The following RSU1 variants were observed in gnomAD, a reference collection of about 807,000 sequenced individuals.
The protein encoded by RSU1 is rsu-1.
In RSU1, 26 loss-of-function variants were observed where a neutral mutation model predicts 31.1. The observed-to-expected ratio is 0.84, with a 90% CI of 0.61 to 1.16. RSU1 has a LOEUF of 1.16. RSU1 is among the 50% of genes most tolerant of loss of function. The pLI, the probability that RSU1 is intolerant of heterozygous loss-of-function variation, is 0.00. For missense variants in RSU1, 320 were observed against 339.1 expected (o/e 0.94, Z 0.44); for synonymous variants, 164 against 136.3 (o/e 1.20, Z -1.41).
chr10:16,668,487 C>T (rs1835041109), intron 8 of RSU1, among the ~76,000 whole-genome samples: 1 of 152,200 alleles, frequency 6.6e-6, no homozygotes, highest in Admixed American at 6.5e-5. Context: ...AACTCAATTT[C>T]ATCATCTAAA....
intron 2 of RSU1, among the ~76,000 whole-genome samples, chr10:16,807,621 T>C (rs1838301116): frequency 6.6e-6 from 1 of 152,246 alleles, no homozygotes. Context: ...AAGTTGCTTC[T>C]TATGTTTTCT....
chr10:16,609,834 T>C (rs1588672726), intron 8 of RSU1, among the ~76,000 whole-genome samples: 1 of 152,252 alleles, frequency 6.6e-6, no homozygotes, highest in South Asian at 2.1e-4. Context: ...TCTCTTCTCA[T>C]AAGCTGTTTC....
chr10:16,645,966 G>A lies in RSU1; in HGVS notation c.731+49057C>T, dbSNP rs374856182. Among the ~76,000 whole-genome samples, 107 of 28,878 alleles carry A rather than the reference G, an allele frequency of 3.7e-3. 1 individual carries two copies. The highest frequency in any genetic ancestry group is 0.014 in the South Asian group (8 of 586). 18.9% of individuals were successfully genotyped at this position (28,878 alleles called of 152,430 possible). ...TATATATGTGTATATACATATATGT[G>A]TATATATATGTGTATATACATATAT... On this transcript the variant is annotated intron_variant, in intron 8 of 8. Coordinates refer to ENST00000345264, the MANE Select transcript of RSU1 (RefSeq NM_012425.4).
intron 2 of RSU1, among the ~76,000 whole-genome samples, chr10:16,808,827 G>A (rs955938168): frequency 1.3e-5 from 2 of 152,170 alleles, no homozygotes; most frequent in East Asian, 1.9e-4. Flanking sequence ...TCCTTAAGGT[G>A]GACCCTATCC....
intron 8 of RSU1, among the ~76,000 whole-genome samples, chr10:16,594,402 G>C (rs1211547597): frequency 6.6e-6 from 1 of 151,044 alleles, no homozygotes; most frequent in East Asian, 1.9e-4. Flanking sequence ...GCATATACTG[G>C]CGTCCGGCAT....
intron 7 of RSU1, among the ~76,000 whole-genome samples, chr10:16,706,809 G>A (rs757252086): frequency 6.6e-6 from 1 of 152,040 alleles, no homozygotes; most frequent in African/African-American, 2.4e-5. Context: ...CTGTGTAACA[G>A]AACATCAAAA....
chr10:16,675,165 C>A (rs1835203779), intron 8 of RSU1, among the ~76,000 whole-genome samples: 2 of 147,128 alleles, frequency 1.4e-5, no homozygotes, highest in Admixed American at 1.4e-4. Flanking sequence ...TGCACCCCTG[C>A]ACTCCAGCCT....
intron 8 of RSU1, among the ~76,000 whole-genome samples, chr10:16,691,098 C>T (rs377489987): frequency 6.6e-6 from 1 of 151,236 alleles, no homozygotes; most frequent in Non-Finnish European, 1.5e-5. Flanking sequence ...TTTAAAAAAA[C>T]TATGAGTATC....
At chr10:16,666,124 T>C (rs763071498) in intron 8 of RSU1, among the ~76,000 whole-genome samples, 1 of 152,176 alleles carries the variant, frequency 6.6e-6, no homozygotes, top group Non-Finnish European at 1.5e-5. Context: ...TCTGTGACTA[T>C]TTTACAGGTT....
chr10:16,711,216 C>T (rs955963172), intron 7 of RSU1, among the ~76,000 whole-genome samples: 24 of 152,204 alleles, frequency 1.6e-4, no homozygotes, highest in Non-Finnish European at 2.9e-4. Flanking sequence ...TCATAATATT[C>T]TCTATAATTT....
intron 8 of RSU1, among the ~76,000 whole-genome samples, chr10:16,614,542 A>G (rs1833943964): frequency 6.6e-6 from 1 of 152,260 alleles, no homozygotes; most frequent in Non-Finnish European, 1.5e-5. Context: ...CAAATGCTCA[A>G]AAGGATAGAT....
At chr10:16,678,199 T>G (rs1405864173) in intron 8 of RSU1, among the ~76,000 whole-genome samples, 4 of 152,240 alleles carry the variant, frequency 2.6e-5, no homozygotes, top group African/African-American at 9.6e-5. Flanking sequence ...AAATCCATTT[T>G]CTTGCTTTTT....
At chr10:16,596,909 GA>G (rs1186179217) in intron 8 of RSU1, among the ~76,000 whole-genome samples, 1 of 152,110 alleles carries the variant, frequency 6.6e-6, no homozygotes, top group Non-Finnish European at 1.5e-5. Context: ...TTTTAGTAGA[GA>G]GGGGGTTTCG....
intron 8 of RSU1, among the ~76,000 whole-genome samples, chr10:16,608,271 C>T (rs1480242032): frequency 6.6e-6 from 1 of 152,156 alleles, no homozygotes; most frequent in East Asian, 1.9e-4. Flanking sequence ...ACTTTCGGAG[C>T]CTGAGGCAGG....
intron 7 of RSU1, among the ~76,000 whole-genome samples, chr10:16,734,331 A>T (rs7073992): frequency 7.2e-5 from 11 of 152,118 alleles, no homozygotes; most frequent in Admixed American, 5.2e-4. Flanking sequence ...GGCATTCATG[A>T]ATCCTGTGCT....
intron 8 of RSU1, among the ~76,000 whole-genome samples, chr10:16,612,152 G>C (rs1488111208): frequency 6.6e-6 from 1 of 152,188 alleles, no homozygotes; most frequent in African/African-American, 2.4e-5. Context: ...ATTCAAATGT[G>C]GTTGAAGCCA....
intron 4 of RSU1, 126 bp from the exon 5 acceptor site, chr10:16,755,115 C>G: frequency 1.9e-6 from 1 of 527,846 alleles, no homozygotes; most frequent in Non-Finnish European, 3.4e-6. Flanking sequence ...TCACTTTATA[C>G]TTTATTTTTA....
At chr10:16,809,563 C>T (rs1838357317) in intron 2 of RSU1, among the ~76,000 whole-genome samples, 1 of 152,106 alleles carries the variant, frequency 6.6e-6, no homozygotes, top group Non-Finnish European at 1.5e-5. Context: ...TGCTCCTTGG[C>T]CACATTTTTA....
chr10:16,673,075 C>T (rs1404552097), intron 8 of RSU1, among the ~76,000 whole-genome samples: 1 of 152,218 alleles, frequency 6.6e-6, no homozygotes, highest in Admixed American at 6.5e-5. Context: ...CAAGGCTACA[C>T]CTGCTCCTCA....
Sources: gnomAD v4.1 joint callset for allele counts (sites outside exome capture counted in the v4.1 genomes callset) on GRCh38, gnomAD v4.1.1 for gene constraint, MANE v1.5 for transcripts, NCBI Gene and HGNC (gene_info 2026-07-23, HGNC 2026-07-21) for gene names.